Variants in CIZ1 observed in about 807,000 individuals in gnomAD.
The protein encoded by CIZ1 is cip1-interacting zinc finger protein.
A neutral mutation model predicts 118.6 loss-of-function variants in CIZ1; 58 were observed. The observed-to-expected ratio is 0.49, with a 90% CI of 0.40 to 0.61. CIZ1 has a LOEUF of 0.61. Among genes scored for constraint, CIZ1 ranks in the 20% least tolerant of loss-of-function variants. The pLI, the probability that CIZ1 is intolerant of heterozygous loss-of-function variation, is 0.00. For missense variants in CIZ1, 921 were observed against 1,115.9 expected (o/e 0.83, Z 2.49); for synonymous variants, 448 against 443.4 (o/e 1.01, Z -0.13).
At chr9:128,193,459 A>T (rs1458574633), upstream of CIZ1, among the ~76,000 whole-genome samples, 1 of 152,040 alleles carries the variant, frequency 6.6e-6, no homozygotes, top group East Asian at 1.9e-4. Flanking sequence ...CTGTAATCCC[A>T]GCACTTTGTG....
chr9:128,169,271 AC>A, intron 13 of CIZ1, 70 bp from the exon 14 acceptor site: 2 of 564,202 alleles, frequency 3.5e-6, no homozygotes, highest in Non-Finnish European at 5.5e-6. Flanking sequence ...TACCCACCCC[AC>A]CCCTCCCCTG....
In CIZ1 at chr9:128,166,300, C is replaced by G; in HGVS notation, c.2594G>C (p.Arg865Pro). 1 of 1,564,828 alleles carries G rather than the reference C, an allele frequency of 6.4e-7. No homozygotes were observed. The highest frequency in any genetic ancestry group is 2.3e-5 in the East Asian group (1 of 42,658). ...CTGGGTGTTGGGCTGGGAGGGTGGG[C>G]GGCCGCTGGAGGTGAACAGGGCTGT... ...ALTALFTSSG[R>P]PPSQPNTQDK... The change falls in exon 17 of 17, where the codon CGC becomes CCC. Residue 865 changes from arginine to proline, a missense_variant. Transcript: ENST00000372938. The surrounding 1 kb of genome is among the most constrained non-coding windows in gnomAD (Gnocchi z 4.4).
At chr9:128,169,308 T>A in intron 13 of CIZ1, 98 bp downstream of exon 13, 1 of 1,011,104 alleles carries the variant, frequency 9.9e-7, no homozygotes, top group Non-Finnish European at 1.4e-6. Flanking sequence ...CCAGACCCGC[T>A]GTGAGTTTGG....
chr9:128,197,848 A>G (rs1833415482), intron 1 of CIZ1: 1 of 152,252 alleles, frequency 6.6e-6, no homozygotes, highest in Admixed American at 6.5e-5. Context: ...TTATTATTAC[A>G]TCACTGAACC....
upstream of CIZ1, among the ~76,000 whole-genome samples, chr9:128,196,654 AGTGCAGT>A (rs1833383834): frequency 6.6e-6 from 1 of 151,976 alleles, no homozygotes; most frequent in Non-Finnish European, 1.5e-5. Context: ...TTCAGGCTGG[AGTGCAGT>A]GGCACGATCT....
At chr9:128,187,176 G>T (rs45533434) in intron 4 of CIZ1, among the ~76,000 whole-genome samples, 171 of 152,200 alleles carry the variant, frequency 1.1e-3, no homozygotes, top group African/African-American at 3.6e-3. Context: ...CTGACCTCAG[G>T]GTGATCCGCC....
At chr9:128,173,669 A>T (rs970059752) in intron 11 of CIZ1, among the ~76,000 whole-genome samples, 1 of 152,146 alleles carries the variant, frequency 6.6e-6, no homozygotes, top group Admixed American at 6.6e-5. Context: ...GTCATCAAAC[A>T]GGCAGACACC....
Position 128,177,546 on chromosome 9 carries a change from C to CAAATAAACAG in CIZ1, c.1818+19_1818+20insCTGTTTATTT. 1.5e-6 allele frequency: 2 copies of CAAATAAACAG among 1,353,458 alleles called. No individual in the cohort carries two copies. The highest frequency in any genetic ancestry group is 2.0e-6 in the Non-Finnish European group (2 of 1,013,754). 83.8% of individuals were successfully genotyped at this position (1,353,458 alleles called of 1,614,324 possible). On this transcript the variant is annotated intron_variant, in intron 10 of 16. Transcript: ENST00000372938. ...CACGCAGGCCCCACCCCTCCCCACCCTTATCTCCTGTATCAGTACCTGCTG... is the reference window on the plus strand; with the variant it reads ...CACGCAGGCCCCACCCCTCCCCACCCAAATAAACAGTTATCTCCTGTATCAGTACCTGCTG...
At chr9:128,171,287 G>A (rs1426379184) in intron 11 of CIZ1, among the ~76,000 whole-genome samples, 1 of 151,582 alleles carries the variant, frequency 6.6e-6, no homozygotes, top group African/African-American at 2.4e-5. Flanking sequence ...AAATTAGTCA[G>A]GCATGGTGGT....
chr9:128,196,472 A>G (rs1833379339), upstream of CIZ1, among the ~76,000 whole-genome samples: 1 of 151,886 alleles, frequency 6.6e-6, no homozygotes, highest in African/African-American at 2.4e-5. Flanking sequence ...CACTTGGGCC[A>G]GAGAGGTCAA....
intron 9 of CIZ1, 148 bp downstream of exon 9, chr9:128,178,221 G>C (rs1831116005): frequency 3.1e-6 from 3 of 957,722 alleles, no homozygotes; most frequent in Non-Finnish European, 4.7e-6. Context: ...AGCCTGGTCT[G>C]GCCACCCATC....
In CIZ1 at chr9:128,179,262, G is replaced by A. The variant is rs1426201227; in HGVS notation, c.945C>T (p.Val315=). The A allele has an allele frequency of 2.5e-6, 4 of 1,614,020 alleles. No homozygotes were observed. In the African/African-American group the frequency reaches 4.0e-5, roughly 16 times the overall value. ...ACTGCACCTGGGCCTGGACCTGCAG[G>A]ACCCGTGGCTGGAATCGTGGCAGCA... is the stretch of plus-strand genomic sequence containing the variant. ...AQVLPRFQPR[V]LQVQAQVQSQ... is the part of the protein sequence containing the mutation. The change falls in exon 8 of 17, where the codon GTC becomes GTT. Residue 315 remains valine, a synonymous_variant. Coordinates refer to ENST00000372938, the MANE Select transcript of CIZ1 (RefSeq NM_001131016.2).
chr9:128,168,585 G>C (rs1358218940), intron 14 of CIZ1: 1 of 154,586 alleles, frequency 6.5e-6, no homozygotes, highest in Non-Finnish European at 1.4e-5. Context: ...ATTCATGAGA[G>C]ACAGGGTAGC....
At chr9:128,201,499 T>C (rs1347137307) in intron 1 of CIZ1, among the ~76,000 whole-genome samples, 1 of 152,202 alleles carries the variant, frequency 6.6e-6, no homozygotes, top group Non-Finnish European at 1.5e-5. Context: ...AGCCCAGCCA[T>C]GATGCCCTCT....
intron 1 of CIZ1, chr9:128,196,931 A>G (rs1833391395): frequency 6.6e-6 from 1 of 152,200 alleles, no homozygotes; most frequent in Non-Finnish European, 1.5e-5. Flanking sequence ...CAAGCCTTGC[A>G]GTAAGTTAGT....
rs1469976710 is a variant in CIZ1 at position 128,190,825 on chromosome 9, C to T, written c.33G>A (p.Gln11=). 1.3e-6 allele frequency: 2 copies of T among 1,539,240 alleles called. No homozygotes were observed. Among genetic ancestry groups the T allele is most frequent in the Non-Finnish European group, 1.7e-6 (2 of 1,143,678 alleles). ...ACTGCTGGAGCTGCTGCTGCTGTTGCTGGAGCTGCTGCTGCTGCTGCTGGC... is the reference window on the plus strand; with the variant it reads ...ACTGCTGGAGCTGCTGCTGCTGTTGTTGGAGCTGCTGCTGCTGCTGCTGGC... MFSQQQQQQL[Q]QQQQQLQQLQ... Residue 11 remains glutamine, a synonymous_variant, in exon 2 of 17, where the codon CAG becomes CAA. Coordinates refer to ENST00000372938, the MANE Select transcript of CIZ1 (RefSeq NM_001131016.2).
intron 12 of CIZ1, chr9:128,169,750 G>C (rs1471566498): frequency 6.6e-6 from 10 of 1,511,052 alleles, no homozygotes; most frequent in Non-Finnish European, 8.9e-6. Context: ...CAGACACAGA[G>C]AGAAGACGAG....
At chr9:128,187,323 T>A (rs1832507454) in intron 4 of CIZ1, among the ~76,000 whole-genome samples, 1 of 152,154 alleles carries the variant, frequency 6.6e-6, no homozygotes, top group African/African-American at 2.4e-5. Context: ...ATTTAAGGGA[T>A]GAAAGGCAGT....
rs1431611792 is a variant in CIZ1, at chr9:128,179,051, G to A, written c.1156C>T (p.Gln386Ter). 6.2e-7 allele frequency: 1 copy of A among 1,613,314 alleles called. No individual in the cohort carries two copies. The highest frequency in any genetic ancestry group is 8.5e-7 in the Non-Finnish European group (1 of 1,179,286). ...QPQVQPQAHS[Q>*]GPRQVQLQQE... is the part of the protein sequence containing the mutation. ...TGCAGCTGCACCTGCCTTGGGCCCT[G>A]TGAATGTGCCTGTGGCTGTACCTGT... The change falls in exon 8 of 17, where the codon CAG becomes TAG. Residue 386 changes from glutamine (Q) to a stop codon, truncating the protein, a stop_gained. Coordinates refer to ENST00000372938, the MANE Select transcript of CIZ1 (RefSeq NM_001131016.2). LOFTEE classifies it high-confidence loss of function.
Sources: allele counts gnomAD v4.1 joint callset (sites outside exome capture counted in the v4.1 genomes callset), GRCh38; gene constraint gnomAD v4.1.1; non-coding constraint Gnocchi (gnomAD v3.1); transcripts MANE v1.5; gene names NCBI Gene and HGNC (gene_info 2026-07-23, HGNC 2026-07-21).